PROS1: variants seen among roughly 807,000 people sequenced by gnomAD.
PROS1 encodes vitamin K-dependent protein S.
Under a neutral mutation model 75.9 loss-of-function variants are expected in PROS1, and 29 were observed. That is an observed-to-expected ratio of 0.38 (90% CI 0.28 to 0.52). PROS1 has a LOEUF of 0.52. PROS1 is among the 20% of genes least tolerant of loss of function. PROS1 has a pLI of 0.83. For missense variants in PROS1, 680 were observed against 810.3 expected (o/e 0.84, Z 1.95); for synonymous variants, 245 against 280.6 (o/e 0.87, Z 1.27).
intron 1 of PROS1, among the ~76,000 whole-genome samples, chr3:93,954,436 C>T (rs1388831529): frequency 1.3e-5 from 2 of 152,052 alleles, no homozygotes; most frequent in African/African-American, 2.4e-5. Context: ...TCTACAACCA[C>T]CTGATCTTTG....
intron 3 of PROS1, among the ~76,000 whole-genome samples, chr3:93,920,112 G>A (rs187129167): frequency 1.6e-3 from 240 of 152,128 alleles, no homozygotes; most frequent in Non-Finnish European, 2.7e-3. Flanking sequence ...ATAAATTTGA[G>A]GATGGCCACA....
At chr3:93,928,983 G>A (rs1709067073) in intron 1 of PROS1, among the ~76,000 whole-genome samples, 1 of 152,174 alleles carries the variant, frequency 6.6e-6, no homozygotes, top group Non-Finnish European at 1.5e-5. Context: ...ATGCATTCTT[G>A]TACACTGGTA....
At chr3:93,901,795 G>A (rs1271313965) in intron 6 of PROS1, among the ~76,000 whole-genome samples, 5 of 152,164 alleles carry the variant, frequency 3.3e-5, no homozygotes, top group Non-Finnish European at 7.4e-5. Flanking sequence ...AATGTCTTGA[G>A]TGTGAAATTG....
Position 93,874,271 on chromosome 3 carries a change from C to T in PROS1, c.2005G>A (p.Val669Ile), listed in dbSNP as rs1297012814. ...TAAGAATTCTTTGTCTTTTTCCAAA[C>T]TGATGGACATGAGTGAGCTCTAATA... ...NDIRAHSCPS[V>I]WKKTKNS The change falls in exon 15 of 15, where the codon GTT (valine) becomes ATT (isoleucine). Residue 669 changes from valine (V) to isoleucine (I), a missense_variant. Val to Ile is a conservative substitution (Grantham distance 29, BLOSUM62 3). Coordinates refer to ENST00000394236, the MANE Select transcript of PROS1 (RefSeq NM_000313.4). 12 of 1,613,308 alleles carry T rather than the reference C, an allele frequency of 7.4e-6. No individual in the cohort carries two copies. The highest frequency in any genetic ancestry group is 1.0e-5 in the Non-Finnish European group (12 of 1,179,528).
chr3:93,945,101 C>G (rs540420212), intron 1 of PROS1, among the ~76,000 whole-genome samples: 2 of 151,578 alleles, frequency 1.3e-5, no homozygotes, highest in Non-Finnish European at 3.0e-5. Context: ...CATGCACCCT[C>G]CCAAGAAGAA....
intron 1 of PROS1, among the ~76,000 whole-genome samples, chr3:93,938,344 C>G (rs995063906): frequency 2.6e-5 from 4 of 152,184 alleles, no homozygotes; most frequent in African/African-American, 9.7e-5. Flanking sequence ...TTTGCTGACT[C>G]TCTTTTTGGA....
At chr3:93,961,039 T>C (rs1709698896) in intron 1 of PROS1, among the ~76,000 whole-genome samples, 1 of 151,952 alleles carries the variant, frequency 6.6e-6, no homozygotes, top group African/African-American at 2.4e-5. Context: ...ATTAAGACCC[T>C]GCAAAGCTTT....
Position 93,884,913 on chromosome 3 carries a change from C to A in PROS1, c.1324-17G>T. 6.2e-7 allele frequency: 1 copy of A among 1,607,542 alleles called. No individual in the cohort carries two copies. The highest frequency in any genetic ancestry group is 8.5e-7 in the Non-Finnish European group (1 of 1,175,810). On this transcript the variant is annotated splice_polypyrimidine_tract_variant and intron_variant, in intron 11 of 14. Transcript: ENST00000394236. ...AGGGTTAATCTAACAAATTAAAATA[C>A]AAGTCAAGGAGTGCATTTTAAACTT...
At chr3:93,887,226 C>A (rs1330894016) in intron 10 of PROS1, among the ~76,000 whole-genome samples, 1 of 152,084 alleles carries the variant, frequency 6.6e-6, no homozygotes, top group African/African-American at 2.4e-5. Flanking sequence ...CCCATAAGTT[C>A]TTAATATAAA....
intron 1 of PROS1, among the ~76,000 whole-genome samples, chr3:93,966,366 G>A (rs963159613): frequency 1.3e-5 from 2 of 152,154 alleles, no homozygotes; most frequent in Non-Finnish European, 2.9e-5. Context: ...TGTGTTCCAG[G>A]TGAACATTCA....
At chr3:93,883,084 C>T (rs1708295418) in intron 12 of PROS1, among the ~76,000 whole-genome samples, 1 of 152,172 alleles carries the variant, frequency 6.6e-6, no homozygotes, top group Non-Finnish European at 1.5e-5. Flanking sequence ...AAATTCCACA[C>T]TCCTGAGACC....
Position 93,873,534 on chromosome 3 carries a change from T to TA in PROS1, c.*710dup, listed in dbSNP as rs1708139181. The TA allele has an allele frequency of 3.3e-5, 5 of 152,226 alleles. No homozygotes were observed. Among genetic ancestry groups the TA allele is most frequent in the African/African-American group, 1.2e-4 (5 of 41,448 alleles). The allele number at this position is 152,226 out of a possible 1,614,324, so 9.4% of individuals were successfully genotyped here. On this transcript the variant is annotated 3_prime_UTR_variant, in exon 15 of 15. Coordinates refer to ENST00000394236, the MANE Select transcript of PROS1 (RefSeq NM_000313.4). ...CTTGTGTGACCCACACAGCAAAATT[T>TA]AAAAAATGTACCCACTTCAGATTTC...
At chr3:93,888,825 G>A (rs1708387114) in intron 10 of PROS1, among the ~76,000 whole-genome samples, 1 of 151,876 alleles carries the variant, frequency 6.6e-6, no homozygotes, top group Non-Finnish European at 1.5e-5. Flanking sequence ...GCTTCTGATT[G>A]GGATTATCTT....
intron 1 of PROS1, among the ~76,000 whole-genome samples, chr3:93,961,650 T>A (rs1484203649): frequency 6.6e-6 from 1 of 152,216 alleles, no homozygotes; most frequent in African/African-American, 2.4e-5. Flanking sequence ...TCCTAAGCTG[T>A]TAAATTTTTG....
rs1242370327 is a variant in PROS1, at chr3:93,873,227, C to T, written c.*1018G>A. ...TCTGGCTATGAATGGTAGATTCAAA[C>T]GTGATAAAACTGCCACTTGAAATGC... On this transcript the variant is annotated 3_prime_UTR_variant, in exon 15 of 15. Coordinates refer to ENST00000394236, the MANE Select transcript of PROS1 (RefSeq NM_000313.4). 1.3e-5 allele frequency: 2 copies of T among 152,178 alleles called. No homozygotes were observed. The highest frequency in any genetic ancestry group is 2.9e-5 in the Non-Finnish European group (2 of 68,036). The allele number at this position is 152,178 out of a possible 1,614,324, so 9.4% of individuals were successfully genotyped here.
At chr3:93,875,082 C>T (rs1316757671) in intron 14 of PROS1, among the ~76,000 whole-genome samples, 1 of 152,160 alleles carries the variant, frequency 6.6e-6, no homozygotes, top group African/African-American at 2.4e-5. Flanking sequence ...AAATTTTCAA[C>T]TTCTAACTTG....
intron 1 of PROS1, among the ~76,000 whole-genome samples, chr3:93,938,317 C>T (rs1017837651): frequency 6.6e-6 from 1 of 152,086 alleles, no homozygotes; most frequent in Non-Finnish European, 1.5e-5. Flanking sequence ...TATAAAACGG[C>T]CCCACCCCTA....
intron 1 of PROS1, among the ~76,000 whole-genome samples, chr3:93,948,577 T>C (rs369318129): frequency 6.6e-6 from 1 of 152,216 alleles, no homozygotes; most frequent in Admixed American, 6.5e-5. Context: ...ACATATGATG[T>C]AATTTCACTC....
intron 3 of PROS1, among the ~76,000 whole-genome samples, chr3:93,919,665 T>C (rs549048237): frequency 1.9e-4 from 29 of 152,150 alleles, no homozygotes; most frequent in Admixed American, 7.2e-4. Flanking sequence ...TTTTCCCCCA[T>C]GTCATCAGTC....
Sources: allele counts gnomAD v4.1 joint callset (sites outside exome capture counted in the v4.1 genomes callset), GRCh38; gene constraint gnomAD v4.1.1; transcripts MANE v1.5; gene names NCBI Gene and HGNC (gene_info 2026-07-23, HGNC 2026-07-21).